OSBPL3: variants seen among roughly 807,000 people sequenced by gnomAD.
OSBPL3 encodes the protein oxysterol binding protein like 3.
Under a neutral mutation model 120.1 loss-of-function variants are expected in OSBPL3, and 65 were observed. The observed-to-expected ratio is 0.54, with a 90% CI of 0.44 to 0.67. The LOEUF (loss-of-function observed/expected upper bound fraction) is 0.67. Ranked by LOEUF, OSBPL3 falls within the 30% of genes least tolerant of loss-of-function variation. The pLI is 0.00. For synonymous variants in OSBPL3, 416 were observed against 402.6 expected, an observed-to-expected ratio of 1.03 and a Z score of -0.40; for missense variants, 1,004 against 1,082.1, an observed-to-expected ratio of 0.93 and a Z score of 1.01.
chr7:24,878,182 C>T (rs1178549069), intron 2 of OSBPL3, among the ~76,000 whole-genome samples: 1 of 152,224 alleles, frequency 6.6e-6, no homozygotes, highest in Non-Finnish European at 1.5e-5. Context: ...GAAAGCACTT[C>T]CCTCCAGCAC....
chr7:24,926,878 A>C (rs892054703), intron 1 of OSBPL3, among the ~76,000 whole-genome samples: 1 of 152,250 alleles, frequency 6.6e-6, no homozygotes, highest in African/African-American at 2.4e-5. Flanking sequence ...TACTCAAAAA[A>C]TTCTTGATGA....
At position 24,946,796 on chromosome 7, in the gene OSBPL3, A is replaced by T. The variant is rs73691279; in HGVS notation, c.-150+33090T>A. Among the ~76,000 whole-genome samples, 3,782 of 152,210 alleles carry T rather than the reference A, an allele frequency of 0.025. 147 individuals are homozygous for T. The highest frequency in any genetic ancestry group is 0.086 in the African/African-American group (3,555 of 41,460). ...ATGCTTTGGATTCATGAGCTGAAGTAGCAGGGATGTGTGGGAGAAAGAGAA... is the reference window on the plus strand; with the variant it reads ...ATGCTTTGGATTCATGAGCTGAAGTTGCAGGGATGTGTGGGAGAAAGAGAA... On this transcript the variant is annotated intron_variant, in intron 1 of 22. Transcript: ENST00000313367. The surrounding 1 kb of genome is among the most constrained non-coding windows in gnomAD (Gnocchi z 4.3).
intron 2 of OSBPL3, among the ~76,000 whole-genome samples, chr7:24,890,004 C>T (rs1805109648): frequency 1.3e-5 from 2 of 152,128 alleles, no homozygotes; most frequent in Non-Finnish European, 2.9e-5. Context: ...AAGTTGGCAA[C>T]AGCAAATCCC....
chr7:24,915,425 C>A (rs145843692), intron 1 of OSBPL3, among the ~76,000 whole-genome samples: 2 of 152,078 alleles, frequency 1.3e-5, no homozygotes, highest in Non-Finnish European at 2.9e-5. Context: ...CTTTAGAAGA[C>A]AGTTTGGCAA....
At chr7:24,926,336 A>G (rs1324335629) in intron 1 of OSBPL3, among the ~76,000 whole-genome samples, 2 of 152,228 alleles carry the variant, frequency 1.3e-5, no homozygotes, top group Non-Finnish European at 2.9e-5. Flanking sequence ...ATCCATGGAC[A>G]ATGTAAAGAA....
intron 22 of OSBPL3, 56 bp from the exon 23 acceptor site, chr7:24,800,335 A>G (rs972752887): frequency 3.9e-6 from 4 of 1,020,452 alleles, no homozygotes; most frequent in Non-Finnish European, 6.1e-6. Flanking sequence ...CACATTCTCA[A>G]GTCTCTTTCC....
In OSBPL3 at chr7:24,815,209, A is replaced by G. The variant is rs1794322785; in HGVS notation, c.2028-6T>C. ...ACTCAAAATGATCCCCAAAACTAAA[A>G]AGAAGGAAAAAGTAGAAGTACCAAT... On this transcript the variant is annotated splice_polypyrimidine_tract_variant and splice_region_variant and intron_variant, in intron 18 of 22. Coordinates refer to ENST00000313367, the MANE Select transcript of OSBPL3 (RefSeq NM_015550.4). The surrounding 1 kb of genome is among the most constrained non-coding windows in gnomAD (Gnocchi z 5.1). 1.2e-6 allele frequency: 2 copies of G among 1,610,610 alleles called. No homozygotes were observed. Among genetic ancestry groups the G allele is most frequent in the Admixed American group, 1.7e-5 (1 of 59,392 alleles).
rs1273710783 is a variant in OSBPL3 at position 24,891,877 on chromosome 7, C to A, written c.96+500G>T. On this transcript the variant is annotated intron_variant, in intron 2 of 22. Coordinates refer to ENST00000313367, the MANE Select transcript of OSBPL3 (RefSeq NM_015550.4). This position sits in a 1 kb window ranked among gnomAD's most constrained non-coding sequence, Gnocchi z 4.1. The stretch of plus-strand genomic sequence containing the variant: ...GTGAGTCTCGAAGCTACTAACAGGG[C>A]AATCTGTGGTTACAAGCTGCCATAA... 6.6e-6 allele frequency among the ~76,000 whole-genome samples: 1 copy of A among 152,132 alleles called. No homozygotes were observed. Among genetic ancestry groups the A allele is most frequent in the Non-Finnish European group, 1.5e-5 (1 of 68,026 alleles).
chr7:24,859,830 T>A (rs1800281728), intron 10 of OSBPL3, among the ~76,000 whole-genome samples: 1 of 152,218 alleles, frequency 6.6e-6, no homozygotes, highest in Non-Finnish European at 1.5e-5. Flanking sequence ...GTAGCTCTCA[T>A]TATTATTATT....
chr7:24,932,169 T>C lies in OSBPL3; in HGVS notation c.-149-39548A>G, dbSNP rs1047011098. Among the ~76,000 whole-genome samples the C allele has an allele frequency of 6.6e-6, 1 of 152,252 alleles. No homozygotes were observed. Among genetic ancestry groups the C allele is most frequent in the Admixed American group, 6.5e-5 (1 of 15,286 alleles). ...TCTTATTTAATTAATAAGAAATGAA[T>C]GGGCACATTTGTCCCACTTTAAAGC... On this transcript the variant is annotated intron_variant, in intron 1 of 22. Transcript: ENST00000313367. This position sits in a 1 kb window ranked among gnomAD's most constrained non-coding sequence, Gnocchi z 5.6.
At chr7:24,897,688 G>A (rs1398008983) in intron 1 of OSBPL3, among the ~76,000 whole-genome samples, 3 of 152,186 alleles carry the variant, frequency 2.0e-5, no homozygotes, top group Admixed American at 6.5e-5. Flanking sequence ...AATCCATAAT[G>A]CGAGTGTGAA....
intron 20 of OSBPL3, 53 bp downstream of exon 20, chr7:24,809,754 T>G: frequency 6.3e-7 from 1 of 1,577,582 alleles, no homozygotes; most frequent in Non-Finnish European, 8.7e-7. Flanking sequence ...TCTTGTGTCA[T>G]GCCCACCCAT....
At position 24,809,699 on chromosome 7, in the gene OSBPL3, G is replaced by A. The variant is rs1360553842; in HGVS notation, c.2317+108C>T. 6 of 996,336 alleles carry A rather than the reference G, an allele frequency of 6.0e-6. No individual in the cohort carries two copies. The African/African-American group carries it at 8.1e-5, about 13-fold the overall frequency. The allele number at this position is 996,336 out of a possible 1,614,324, so 61.7% of individuals were successfully genotyped here. On this transcript the variant is annotated intron_variant, in intron 20 of 22. Transcript: ENST00000313367. ...ACCTCTAACCTAGTTCAAAGCAGAA[G>A]AGGCTGGAGATGCTGAACAGACACT...
intron 20 of OSBPL3, among the ~76,000 whole-genome samples, chr7:24,807,702 T>A (rs891561048): frequency 2.0e-5 from 3 of 152,088 alleles, no homozygotes; most frequent in African/African-American, 7.2e-5. Flanking sequence ...TTCCTACCCT[T>A]TTTACCAATT....
intron 12 of OSBPL3, among the ~76,000 whole-genome samples, chr7:24,844,836 G>T (rs1420180727): frequency 6.6e-6 from 1 of 151,868 alleles, no homozygotes; most frequent in African/African-American, 2.4e-5. Context: ...AAATATCTGT[G>T]TACAAATTTT....
chr7:24,847,401 C>T (rs1401267874), intron 12 of OSBPL3, among the ~76,000 whole-genome samples: 3 of 152,168 alleles, frequency 2.0e-5, no homozygotes, highest in Admixed American at 6.5e-5. Context: ...AACTGCATCA[C>T]TGATTCAAGA....
chr7:24,838,991 T>C (rs191616200), intron 14 of OSBPL3, among the ~76,000 whole-genome samples: 21 of 152,330 alleles, frequency 1.4e-4, no homozygotes, highest in African/African-American at 5.1e-4. Flanking sequence ...GCAGGTGTGA[T>C]ACTGAAAGGA....
chr7:24,819,915 T>C lies in OSBPL3; in HGVS notation c.1948+260A>G, dbSNP rs1428219749. Among the ~76,000 whole-genome samples, 1 of 152,236 alleles carries C rather than the reference T, an allele frequency of 6.6e-6. No individual in the cohort carries two copies. Among genetic ancestry groups the C allele is most frequent in the Non-Finnish European group, 1.5e-5 (1 of 68,030 alleles). On this transcript the variant is annotated intron_variant, in intron 17 of 22. Transcript: ENST00000313367. This position sits in a 1 kb window ranked among gnomAD's most constrained non-coding sequence, Gnocchi z 4.1. ...CTGTCTACACTCTGATAAACAACTG[T>C]AAATATTTAATGTCTCTTGAAATAT...
In OSBPL3 at chr7:24,918,627, A is replaced by G. The variant is rs147805071; in HGVS notation, c.-149-26006T>C. ...AAATAAGAAAATGGGATCAACATTT[A>G]GTACTCACTTAACAAATGTTCACTA... On this transcript the variant is annotated intron_variant, in intron 1 of 22. Transcript: ENST00000313367. This position sits in a 1 kb window ranked among gnomAD's most constrained non-coding sequence, Gnocchi z 4.3. 1.4e-4 allele frequency among the ~76,000 whole-genome samples: 21 copies of G among 152,354 alleles called. No individual in the cohort carries two copies. The highest frequency in any genetic ancestry group is 2.6e-4 in the Admixed American group (4 of 15,300).
Sources: gnomAD v4.1 joint callset for allele counts (sites outside exome capture counted in the v4.1 genomes callset) on GRCh38, gnomAD v4.1.1 for gene constraint, Gnocchi (gnomAD v3.1) non-coding constraint, MANE v1.5 for transcripts, NCBI Gene and HGNC (gene_info 2026-07-23, HGNC 2026-07-21) for gene names.